Variants in PIK3C3 observed in about 807,000 individuals in gnomAD.
PIK3C3 encodes PI3-kinase type 3.
PIK3C3 carries 95 observed loss-of-function variants against 126.1 expected under a neutral mutation model. The ratio of observed to expected loss-of-function variants is 0.75; its 90% CI spans 0.64 to 0.89. The LOEUF (loss-of-function observed/expected upper bound fraction) is 0.89, where lower values mean the gene tolerates loss of function less well. Among genes scored for constraint, PIK3C3 ranks in the 40% least tolerant of loss-of-function variants. PIK3C3 has a pLI of 0.00. For synonymous variants in PIK3C3, 374 were observed against 360.0 expected (o/e 1.04, Z -0.44); for missense variants, 829 against 1,063.2 (o/e 0.78, Z 3.06).
chr18:42,041,212 A>G (rs1984302544), intron 19 of PIK3C3, among the ~76,000 whole-genome samples: 1 of 150,934 alleles, frequency 6.6e-6, no homozygotes, highest in African/African-American at 2.5e-5. Flanking sequence ...CCAAAAAAAC[A>G]GAGTTAATTG....
chr18:42,027,989 A>G (rs775067889), intron 14 of PIK3C3, among the ~76,000 whole-genome samples: 2 of 152,196 alleles, frequency 1.3e-5, no homozygotes, highest in African/African-American at 2.4e-5. Flanking sequence ...CAAAAGAAGA[A>G]GAAGAATTTG....
At chr18:42,041,486 AT>A (rs34932250) in intron 19 of PIK3C3, among the ~76,000 whole-genome samples, 1,441 of 135,228 alleles carry the variant, frequency 0.011, 24 homozygotes, top group African/African-American at 0.031. Flanking sequence ...ATATGTTTGG[AT>A]TTTTTTTTTT....
chr18:42,001,349 T>C (rs1982279639), intron 9 of PIK3C3, among the ~76,000 whole-genome samples: 1 of 152,214 alleles, frequency 6.6e-6, no homozygotes, highest in South Asian at 2.1e-4. Context: ...AGCTAATAAT[T>C]GATAGAGCCA....
intron 23 of PIK3C3, among the ~76,000 whole-genome samples, chr18:42,067,097 G>A (rs1175234476): frequency 6.6e-6 from 1 of 152,054 alleles, no homozygotes; most frequent in African/African-American, 2.4e-5. Context: ...AGTTAAAAGA[G>A]CAGTTTTTCT....
intron 16 of PIK3C3, among the ~76,000 whole-genome samples, chr18:42,036,952 T>C (rs1397020645): frequency 6.6e-6 from 1 of 152,234 alleles, no homozygotes; most frequent in Non-Finnish European, 1.5e-5. Context: ...GGTCAGAACT[T>C]TGTTTCATGC....
At chr18:42,049,731 T>C in intron 21 of PIK3C3, 126 bp downstream of exon 21, 3 of 692,352 alleles carry the variant, frequency 4.3e-6, no homozygotes, top group Non-Finnish European at 7.6e-6. Context: ...CCCAGCACTT[T>C]GGGAGGCCAA....
At chr18:41,969,382 A>G (rs2144309784) in intron 3 of PIK3C3, among the ~76,000 whole-genome samples, 1 of 152,322 alleles carries the variant, frequency 6.6e-6, no homozygotes, top group Non-Finnish European at 1.5e-5. Context: ...CCCCATCAGA[A>G]AGAAACATGG....
intron 22 of PIK3C3, among the ~76,000 whole-genome samples, chr18:42,062,239 T>C (rs1398857607): frequency 1.3e-5 from 1 of 74,780 alleles, no homozygotes; most frequent in Non-Finnish European, 3.1e-5. Flanking sequence ...AAAGAGCATC[T>C]TTTTTTTTTT....
chr18:42,004,448 T>C lies in PIK3C3; in HGVS notation c.1077T>C (p.Asp359=), dbSNP rs34205132. 0.076 allele frequency: 122,017 copies of C among 1,613,588 alleles called. 5,359 individuals carry two copies. Among genetic ancestry groups the C allele is most frequent in the Non-Finnish European group, 0.088 (103,269 of 1,179,616 alleles). ...TTCTGGGAAAATGGAAGCCGATGGATGTAGAGGACTCCTTGGAGCTGTTAT... is the reference window on the plus strand; with the variant it reads ...TTCTGGGAAAATGGAAGCCGATGGACGTAGAGGACTCCTTGGAGCTGTTAT... The part of the protein sequence containing the change: ...LELLGKWKPM[D]VEDSLELLSS... The change falls in exon 10 of 25, where the codon GAT becomes GAC. Residue 359 remains aspartate (D), a synonymous_variant. Coordinates refer to ENST00000262039, the MANE Select transcript of PIK3C3 (RefSeq NM_002647.4).
chr18:41,962,614 C>A lies in PIK3C3; in HGVS notation c.383C>A (p.Ser128Ter), dbSNP rs200002230. The A allele has an allele frequency of 2.0e-5, 32 of 1,610,682 alleles. No individual in the cohort carries two copies. Among genetic ancestry groups the A allele is most frequent in the Non-Finnish European group, 2.6e-5 (31 of 1,177,924 alleles). ...KAVPVGGTTV[S>*]LFGKYGMFRQ... is the part of the protein sequence containing the mutation. The stretch of plus-strand genomic sequence containing the variant: ...GTGCCTGTAGGAGGAACAACGGTTT[C>A]GCTCTTTGGAAAATACGGGTAAGCA... The change falls in exon 3 of 25, where the codon TCG becomes TAG. Residue 128 changes from serine to a stop codon, truncating the protein, a stop_gained. Transcript: ENST00000262039. LOFTEE classifies it high-confidence loss of function.
chr18:42,045,936 T>C (rs191520193), intron 20 of PIK3C3, among the ~76,000 whole-genome samples: 657 of 152,344 alleles, frequency 4.3e-3, no homozygotes, highest in Non-Finnish European at 6.8e-3. Context: ...CCTGTCAGTA[T>C]TGACTACAAT....
At chr18:41,977,479 T>C (rs367716230) in intron 4 of PIK3C3, among the ~76,000 whole-genome samples, 4 of 151,744 alleles carry the variant, frequency 2.6e-5, no homozygotes, top group African/African-American at 9.7e-5. Context: ...TGAGAGGAAG[T>C]GGCTATATAG....
intron 4 of PIK3C3, among the ~76,000 whole-genome samples, chr18:41,979,183 A>G (rs1981076807): frequency 6.6e-6 from 1 of 151,926 alleles, no homozygotes; most frequent in East Asian, 1.9e-4. Context: ...TTCTGAAACA[A>G]TTCCTAACTG....
intron 1 of PIK3C3, 39 bp downstream of exon 1, chr18:41,955,398 G>C: frequency 1.3e-6 from 2 of 1,559,118 alleles, no homozygotes; most frequent in Non-Finnish European, 1.8e-6. Context: ...GATTGCTGGG[G>C]CGTAGGGACG....
chr18:41,964,769 A>G lies in PIK3C3; in HGVS notation c.401+2137A>G, dbSNP rs145919718. On this transcript the variant is annotated intron_variant, in intron 3 of 24. Transcript: ENST00000262039. ...TTACTGAATTATATATGTTAATTAA[A>G]GAGAGAATTGATGCCTTTATAATAT... Among the ~76,000 whole-genome samples the G allele has an allele frequency of 1.5e-4, 23 of 152,252 alleles. No individual in the cohort carries two copies. In the East Asian group the frequency reaches 3.3e-3, roughly 22 times the overall value.
intron 19 of PIK3C3, among the ~76,000 whole-genome samples, chr18:42,040,977 TG>T (rs759213902): frequency 4.1e-4 from 62 of 152,128 alleles, no homozygotes; most frequent in Non-Finnish European, 8.4e-4. Context: ...AGGCATTAAT[TG>T]GTGAACACAG....
chr18:42,027,321 T>C (rs930147600), intron 13 of PIK3C3, 122 bp from the exon 14 acceptor site: 1 of 453,310 alleles, frequency 2.2e-6, no homozygotes, highest in African/African-American at 2.0e-5. Context: ...TGTGTTTTAT[T>C]ACTCCAATTT....
intron 21 of PIK3C3, among the ~76,000 whole-genome samples, chr18:42,052,530 A>T (rs906510261): frequency 6.6e-6 from 1 of 152,102 alleles, no homozygotes; most frequent in African/African-American, 2.4e-5. Flanking sequence ...TTTGGTTTGG[A>T]TGAAATTAGA....
chr18:41,972,073 A>G (rs897259277), intron 4 of PIK3C3, among the ~76,000 whole-genome samples: 1 of 152,054 alleles, frequency 6.6e-6, no homozygotes, highest in East Asian at 1.9e-4. Context: ...AATTAGTCCC[A>G]GTTGGACTGC....
Sources: allele counts gnomAD v4.1 joint callset (sites outside exome capture counted in the v4.1 genomes callset), GRCh38; gene constraint gnomAD v4.1.1; transcripts MANE v1.5; gene names NCBI Gene and HGNC (gene_info 2026-07-23, HGNC 2026-07-21).